The following HIPK2 variants were observed in gnomAD, a reference collection of about 807,000 sequenced individuals.
The protein encoded by HIPK2 is homeodomain-interacting protein kinase 2.
A neutral mutation model predicts 113.7 loss-of-function variants in HIPK2; 27 were observed. The ratio of observed to expected loss-of-function variants is 0.24; its 90% confidence interval spans 0.17 to 0.33. HIPK2 has a LOEUF of 0.33. Among genes scored for constraint, HIPK2 ranks in the 10% least tolerant of loss-of-function variants. The probability of loss-of-function intolerance (pLI) is 1.00; values close to 1 mark genes in which losing one functional copy is unlikely to be tolerated. For missense variants in HIPK2, 1,257 were observed against 1,588.0 expected, an observed-to-expected ratio of 0.79 and a Z score of 3.54; for synonymous variants, 631 against 642.2, an observed-to-expected ratio of 0.98 and a Z score of 0.26.
chr7:139,638,940 G>A (rs1800911302), intron 2 of HIPK2, among the ~76,000 whole-genome samples: 1 of 152,198 alleles, frequency 6.6e-6, no homozygotes, highest in Non-Finnish European at 1.5e-5. Flanking sequence ...ACAGGCGTGA[G>A]CCACCACGCC....
chr7:139,573,362 G>A lies in HIPK2; in HGVS notation c.3162C>T (p.Ser1054=). 3 of 1,604,904 alleles carry A rather than the reference G, an allele frequency of 1.9e-6. No homozygotes were observed. Among genetic ancestry groups the A allele is most frequent in the Non-Finnish European group, 1.7e-6 (2 of 1,179,834 alleles). The change falls in exon 15 of 15, where the codon AGC becomes AGT. Residue 1054 remains serine (S), a synonymous_variant. Transcript: ENST00000406875. ...QQHITTDRTG[S]HRRQQAYITP... is the part of the protein sequence containing the mutation. ...TGATGTAGGCCTGCTGCCTTCGGTGGCTCCCAGTGCGGTCCGTGGTGATGT... is the reference window on the plus strand; with the variant it reads ...TGATGTAGGCCTGCTGCCTTCGGTGACTCCCAGTGCGGTCCGTGGTGATGT...
chr7:139,749,721 C>T (rs1796249684), intron 1 of HIPK2, among the ~76,000 whole-genome samples: 1 of 152,174 alleles, frequency 6.6e-6, no homozygotes, highest in African/African-American at 2.4e-5. Context: ...CCTAATACTG[C>T]CTCTCAAAGG....
intron 2 of HIPK2, among the ~76,000 whole-genome samples, chr7:139,635,563 T>C (rs1369600265): frequency 6.6e-6 from 1 of 152,158 alleles, no homozygotes; most frequent in East Asian, 1.9e-4. Flanking sequence ...GGAAAATTGC[T>C]TGTAGTCCAC....
intron 2 of HIPK2, among the ~76,000 whole-genome samples, chr7:139,637,080 A>G (rs1203873501): frequency 6.6e-6 from 1 of 152,166 alleles, no homozygotes; most frequent in African/African-American, 2.4e-5. Context: ...ATCCACTAAC[A>G]TGGCCAGCTC....
In HIPK2 at chr7:139,564,190, T is replaced by A; in HGVS notation, c.*8737A>T. On this transcript the variant is annotated 3_prime_UTR_variant, in exon 15 of 15. Coordinates refer to ENST00000406875, the MANE Select transcript of HIPK2 (RefSeq NM_022740.5). ...TAAACATAGCCTTTTACATTGATTT[T>A]GCTTTTAAGGGGAAAACGAATAAAT... 2.7e-6 allele frequency: 1 copy of A among 375,572 alleles called. No individual in the cohort carries two copies. Among genetic ancestry groups the A allele is most frequent in the Non-Finnish European group, 4.7e-6 (1 of 212,300 alleles). 23.3% of individuals were successfully genotyped at this position (375,572 alleles called of 1,614,324 possible). A position where few individuals can be genotyped will look rare whatever the true frequency, so the allele number is the denominator to read the frequency against.
At chr7:139,578,870 C>A (rs1465190960) in intron 13 of HIPK2, among the ~76,000 whole-genome samples, 2 of 152,060 alleles carry the variant, frequency 1.3e-5, no homozygotes, top group African/African-American at 2.4e-5. Context: ...TGGGGTTTTG[C>A]CATGTTGGCC....
At position 139,777,571 on chromosome 7, in the gene HIPK2, G is replaced by C. The variant is rs1008365372; in HGVS notation, c.19+34C>G. 6.7e-5 allele frequency: 67 copies of C among 996,978 alleles called. No homozygotes were observed. The African/African-American group carries it at 1.0e-3, about 15-fold the overall frequency. The allele number at this position is 996,978 out of a possible 1,614,324, so 61.8% of individuals were successfully genotyped here. On this transcript the variant is annotated intron_variant, in intron 1 of 14. Coordinates refer to ENST00000406875, the MANE Select transcript of HIPK2 (RefSeq NM_022740.5). ...AGCTGCGGGGGCCGCGGAGGGCGGCGGGCGCGGGGTCGGCGGGGCCGGGCG... is the reference window on the plus strand; with the variant it reads ...AGCTGCGGGGGCCGCGGAGGGCGGCCGGCGCGGGGTCGGCGGGGCCGGGCG...
intron 2 of HIPK2, among the ~76,000 whole-genome samples, chr7:139,650,994 A>G (rs865934295): frequency 6.6e-6 from 1 of 152,222 alleles, no homozygotes; most frequent in Non-Finnish European, 1.5e-5. Context: ...CGGTGAGATA[A>G]TGTTTATTGT....
At chr7:139,690,661 A>C (rs369352875) in intron 2 of HIPK2, among the ~76,000 whole-genome samples, 1 of 152,114 alleles carries the variant, frequency 6.6e-6, no homozygotes, top group East Asian at 1.9e-4. Context: ...AAATAGAAAT[A>C]AATTTTAAAA....
Position 139,631,448 on chromosome 7 carries a change from G to GA in HIPK2, c.1227+153dup. On this transcript the variant is annotated intron_variant, in intron 3 of 14. Transcript: ENST00000406875. This position sits in a 1 kb window ranked among gnomAD's most constrained non-coding sequence, Gnocchi z 4.9. ...AAAAGGGAAAAGAGAAAGGAATAAA[G>GA]AAAAAATAGCAAGGTTAAGGGAAGC... 3 of 940,258 alleles carry GA rather than the reference G, an allele frequency of 3.2e-6. No individual in the cohort carries two copies. Among genetic ancestry groups the GA allele is most frequent in the East Asian group, 1.2e-4 (1 of 8,570 alleles). 58.2% of individuals were successfully genotyped at this position (940,258 alleles called of 1,614,324 possible).
chr7:139,764,491 T>C (rs749818820), intron 1 of HIPK2, among the ~76,000 whole-genome samples: 9 of 152,226 alleles, frequency 5.9e-5, no homozygotes, highest in Non-Finnish European at 1.3e-4. Flanking sequence ...TGTGAACTAC[T>C]GGGTGACAGA....
intron 1 of HIPK2, among the ~76,000 whole-genome samples, chr7:139,758,349 AG>A (rs1796395982): frequency 6.6e-6 from 1 of 152,246 alleles, no homozygotes; most frequent in African/African-American, 2.4e-5. Flanking sequence ...ATGATAAAGT[AG>A]GGGTTATGAT....
Position 139,700,067 on chromosome 7 carries a change from C to G in HIPK2, c.1103+15865G>C, listed in dbSNP as rs1794665505. On this transcript the variant is annotated intron_variant, in intron 2 of 14. Coordinates refer to ENST00000406875, the MANE Select transcript of HIPK2 (RefSeq NM_022740.5). ...ACCAAGCATGAGGTTCCCAATGGGA[C>G]AGGAAAACAAATCCTCAGTGGCGCT... Among the ~76,000 whole-genome samples the G allele has an allele frequency of 1.3e-5, 2 of 152,144 alleles. 1 individual carries two copies. Among genetic ancestry groups the G allele is most frequent in the Admixed American group, 1.3e-4 (2 of 15,282 alleles).
At chr7:139,732,471 G>C (rs764016319) in intron 1 of HIPK2, among the ~76,000 whole-genome samples, 1 of 152,320 alleles carries the variant, frequency 6.6e-6, no homozygotes, top group South Asian at 2.1e-4. Context: ...CATCTAAGAT[G>C]TCTGATAGCT....
chr7:139,703,724 T>C (rs1190475129), intron 2 of HIPK2, among the ~76,000 whole-genome samples: 34 of 133,572 alleles, frequency 2.5e-4, no homozygotes, highest in East Asian at 7.0e-4. Context: ...CCACACTATA[T>C]CCAACATACA....
At chr7:139,660,794 T>C (rs945419808) in intron 2 of HIPK2, among the ~76,000 whole-genome samples, 1 of 152,192 alleles carries the variant, frequency 6.6e-6, no homozygotes, top group Non-Finnish European at 1.5e-5. Flanking sequence ...CAACAGAAGA[T>C]ATCTGCGTTT....
At chr7:139,701,831 C>T (rs1585395145) in intron 2 of HIPK2, among the ~76,000 whole-genome samples, 2 of 152,136 alleles carry the variant, frequency 1.3e-5, no homozygotes, top group East Asian at 3.9e-4. Flanking sequence ...GTTTGGAGGC[C>T]TGGAGGCGGG....
intron 2 of HIPK2, among the ~76,000 whole-genome samples, chr7:139,632,917 A>G (rs1211062435): frequency 1.3e-5 from 2 of 151,760 alleles, no homozygotes; most frequent in Non-Finnish European, 2.9e-5. Flanking sequence ...GTCTCTACCA[A>G]AAACAAACAA....
chr7:139,615,533 G>T (rs1253320825), intron 7 of HIPK2, among the ~76,000 whole-genome samples: 1 of 152,152 alleles, frequency 6.6e-6, no homozygotes, highest in Non-Finnish European at 1.5e-5. Context: ...TTCCAACTTT[G>T]GAATTCTCCA....
Sources: allele counts gnomAD v4.1 joint callset (sites outside exome capture counted in the v4.1 genomes callset), GRCh38; gene constraint gnomAD v4.1.1; non-coding constraint Gnocchi (gnomAD v3.1); transcripts MANE v1.5; gene names NCBI Gene and HGNC (gene_info 2026-07-23, HGNC 2026-07-21).